Variants in FAM120B observed in about 807,000 individuals in gnomAD.
FAM120B encodes family with sequence similarity 120 member B.
Under a neutral mutation model 96.3 loss-of-function variants are expected in FAM120B, and 83 were observed. That is an observed-to-expected ratio of 0.86 (90% CI 0.72 to 1.03). FAM120B has a LOEUF of 1.03. FAM120B is among the 50% of genes least tolerant of loss of function. The probability of loss-of-function intolerance (pLI) is 0.00; values close to 1 mark genes in which losing one functional copy is unlikely to be tolerated. For missense variants in FAM120B, 1,027 were observed against 1,121.2 expected (o/e 0.92, Z 1.20); for synonymous variants, 407 against 402.7 (o/e 1.01, Z -0.13).
At chr6:170,360,088 A>ATCC (rs1264765708) in intron 6 of FAM120B, among the ~76,000 whole-genome samples, 6 of 152,152 alleles carry the variant, frequency 3.9e-5, no homozygotes, top group Admixed American at 6.5e-5. Flanking sequence ...TTAAACAACA[A>ATCC]GACAGAAGTA....
chr6:170,397,123 G>T (rs1259711384), intron 9 of FAM120B, among the ~76,000 whole-genome samples: 2 of 152,250 alleles, frequency 1.3e-5, no homozygotes, highest in Non-Finnish European at 2.9e-5. Flanking sequence ...TGGCGGATCT[G>T]TCTGCAGCTG....
At chr6:170,378,332 C>G (rs932823986) in intron 6 of FAM120B, among the ~76,000 whole-genome samples, 6 of 152,042 alleles carry the variant, frequency 3.9e-5, no homozygotes, top group Admixed American at 2.0e-4. Flanking sequence ...CTTGAGAGCC[C>G]AAGGCTTTTG....
At chr6:170,320,045 T>C (rs1785186065) in intron 2 of FAM120B, among the ~76,000 whole-genome samples, 2 of 152,242 alleles carry the variant, frequency 1.3e-5, no homozygotes, top group Admixed American at 1.3e-4. Context: ...AACAGCCCTG[T>C]GAGATAGACT....
intron 5 of FAM120B, 70 bp from the exon 6 acceptor site, chr6:170,358,156 T>G: frequency 1.5e-5 from 20 of 1,322,704 alleles, no homozygotes; most frequent in Non-Finnish European, 1.9e-5. Context: ...AGTTAATAAC[T>G]GAGATCAATT....
intron 9 of FAM120B, 195 bp from the exon 10 acceptor site, chr6:170,404,355 A>G (rs571872522): frequency 4.2e-5 from 22 of 522,234 alleles, no homozygotes; most frequent in African/African-American, 3.3e-4. Flanking sequence ...CCTCTTAATT[A>G]ATTGCTTCCA....
rs572861917 is a variant in FAM120B, at chr6:170,318,004, T to G, written c.614T>G (p.Met205Arg). 5.6e-6 allele frequency: 9 copies of G among 1,613,878 alleles called. No individual in the cohort carries two copies. Among genetic ancestry groups the G allele is most frequent in the Non-Finnish European group, 7.6e-6 (9 of 1,179,824 alleles). The change falls in exon 2 of 11, where the codon ATG (methionine) becomes AGG (arginine). Residue 205 changes from methionine (M) to arginine (R), a missense_variant. This residue lies in a region of FAM120B where 880 missense variants were observed against 980.9 expected (regional missense o/e 0.90). Transcript: ENST00000476287. ...TGCCTAGAGAGCCTGGACACCGTCATGCTCTGCAGAGAGAAGCTCTGTGAG... is the reference window on the plus strand; with the variant it reads ...TGCCTAGAGAGCCTGGACACCGTCAGGCTCTGCAGAGAGAAGCTCTGTGAG... ...ELCLESLDTV[M>R]LCREKLCESL...
intron 4 of FAM120B, among the ~76,000 whole-genome samples, chr6:170,344,645 G>A (rs555718062): frequency 2.0e-5 from 3 of 152,328 alleles, no homozygotes; most frequent in Admixed American, 2.0e-4. Flanking sequence ...CACCACCTGG[G>A]CAAGTCCGTA....
chr6:170,293,991 G>C (rs1029196447), upstream of FAM120B, among the ~76,000 whole-genome samples: 1 of 152,048 alleles, frequency 6.6e-6, no homozygotes, highest in East Asian at 1.9e-4. Flanking sequence ...TTAGGGATTC[G>C]AGCTGGAGGG....
intron 3 of FAM120B, among the ~76,000 whole-genome samples, chr6:170,325,320 C>G (rs1420673650): frequency 3.9e-5 from 6 of 152,128 alleles, no homozygotes; most frequent in African/African-American, 1.4e-4. Flanking sequence ...AAGTGCATCT[C>G]TTTTAAAAAC....
intron 4 of FAM120B, among the ~76,000 whole-genome samples, chr6:170,345,410 C>T (rs1402472768): frequency 6.6e-6 from 1 of 152,168 alleles, no homozygotes; most frequent in East Asian, 1.9e-4. Context: ...TCAAGACCAG[C>T]CTGGGCAACA....
intron 6 of FAM120B, among the ~76,000 whole-genome samples, chr6:170,385,943 A>G (rs977028294): frequency 1.3e-5 from 2 of 152,220 alleles, no homozygotes; most frequent in Non-Finnish European, 2.9e-5. Flanking sequence ...TGGAAACAGT[A>G]GAAAGATGAG....
At chr6:170,291,129 C>T (rs1783858092), upstream of FAM120B, 7 of 597,616 alleles carry the variant, frequency 1.2e-5, no homozygotes, top group Admixed American at 8.6e-5. Flanking sequence ...TCCCCGCCCC[C>T]CCAGTCCTCC....
intron 10 of FAM120B, 27 bp from the exon 11 acceptor site, chr6:170,404,736 G>T: frequency 1.4e-6 from 1 of 694,386 alleles, no homozygotes; most frequent in Non-Finnish European, 2.5e-6. Flanking sequence ...AGTTAACTTG[G>T]TTTCAAAACA....
intron 7 of FAM120B, among the ~76,000 whole-genome samples, chr6:170,389,091 C>T (rs988908956): frequency 6.6e-6 from 1 of 152,126 alleles, no homozygotes. Context: ...CTTGCTGCCT[C>T]AGGCGTGGCA....
chr6:170,329,899 G>A (rs1300902948), intron 3 of FAM120B, among the ~76,000 whole-genome samples: 1 of 152,130 alleles, frequency 6.6e-6, no homozygotes, highest in East Asian at 1.9e-4. Context: ...GAAGCCCTCT[G>A]CCCAACTTGA....
Position 170,301,363 on chromosome 6 carries a change from A to AG in FAM120B, c.48+5917dup, listed in dbSNP as rs371612645. On this transcript the variant is annotated intron_variant, in intron 1 of 10. Transcript: ENST00000537664. ...CCAAGTCCCTAGGCTGCACACAGAA[A>AG]GGGGGGGCCTGGGCCTTGCCCAAGA... Among the ~76,000 whole-genome samples the AG allele has an allele frequency of 3.5e-3, 537 of 152,318 alleles. 5 individuals carry two copies. Among genetic ancestry groups the AG allele is most frequent in the African/African-American group, 0.012 (492 of 41,588 alleles).
chr6:170,320,108 C>A (rs1337560423), intron 2 of FAM120B, among the ~76,000 whole-genome samples: 1 of 152,168 alleles, frequency 6.6e-6, no homozygotes, highest in African/African-American at 2.4e-5. Context: ...TCAAAGGTAC[C>A]TCAGCAAGTT....
chr6:170,317,620 CTT>C lies in FAM120B; in HGVS notation c.233_234del (p.Phe78TyrfsTer12). 1 of 1,614,190 alleles carries C rather than the reference CTT, an allele frequency of 6.2e-7. No homozygotes were observed. The highest frequency in any genetic ancestry group is 8.5e-7 in the Non-Finnish European group (1 of 1,180,030). Reference sequence around the variant, plus strand: ...TCTGCTTTGCGAGATTTTGTTAAAACTTTTACGGCAGCTGGGATCAAGTTGAT... The same window carrying C: ...TCTGCTTTGCGAGATTTTGTTAAAACTTACGGCAGCTGGGATCAAGTTGAT... On this transcript the variant is annotated frameshift_variant, in exon 2 of 11. Transcript: ENST00000476287. LOFTEE classifies it high-confidence loss of function.
upstream of FAM120B, among the ~76,000 whole-genome samples, chr6:170,292,160 G>A (rs1368999473): frequency 2.0e-5 from 3 of 152,158 alleles, no homozygotes. This position sits in a 1 kb window ranked among gnomAD's most constrained non-coding sequence, Gnocchi z 6.6. Context: ...CTCCAGCCCC[G>A]GCCCCCAACC....
Sources: allele counts gnomAD v4.1 joint callset (sites outside exome capture counted in the v4.1 genomes callset), GRCh38; gene constraint gnomAD v4.1.1; regional missense constraint gnomAD v4.1.1; non-coding constraint Gnocchi (gnomAD v3.1); transcripts MANE v1.5; gene names NCBI Gene and HGNC (gene_info 2026-07-23, HGNC 2026-07-21).